The following JPH2 variants were observed in gnomAD, a reference collection of about 807,000 sequenced individuals.
The protein encoded by JPH2 is junctophilin 2.
Under a neutral mutation model 55.9 loss-of-function variants are expected in JPH2, and 38 were observed. That is an observed-to-expected ratio of 0.68 (90% confidence interval 0.52 to 0.89). The LOEUF is 0.89. Among genes scored for constraint, JPH2 ranks in the 40% least tolerant of loss-of-function variants. JPH2 has a pLI of 0.00. For synonymous variants in JPH2, 480 were observed against 472.4 expected, an observed-to-expected ratio of 1.02 and a Z score of -0.21; for missense variants, 964 against 1,037.6, an observed-to-expected ratio of 0.93 and a Z score of 0.97.
Position 44,186,451 on chromosome 20 carries a change from C to T in JPH2, c.255G>A (p.Glu85=). The T allele has an allele frequency of 1.2e-6, 2 of 1,614,122 alleles. No individual in the cohort carries two copies. Among genetic ancestry groups the T allele is most frequent in the Non-Finnish European group, 1.7e-6 (2 of 1,179,994 alleles). Residue 85 remains glutamate, a synonymous_variant, in exon 1 of 6, where the codon GAG becomes GAA. Coordinates refer to ENST00000372980, the MANE Select transcript of JPH2 (RefSeq NM_020433.5). The stretch of plus-strand genomic sequence containing the variant: ...AGCGTCCCTTGAAGCCATGTGTCCA[C>T]TCGCCCTTGTAGAGCCAGCGCCCCT... The part of the protein sequence containing the change: ...ETKGRWLYKG[E]WTHGFKGRYG...
At chr20:44,164,306 T>C (rs1284982958) in intron 1 of JPH2, among the ~76,000 whole-genome samples, 1 of 152,338 alleles carries the variant, frequency 6.6e-6, no homozygotes, top group Admixed American at 6.5e-5. Context: ...GAATGGAATG[T>C]GGAGTCATCC....
intron 2 of JPH2, among the ~76,000 whole-genome samples, chr20:44,119,929 C>G (rs1050869756): frequency 6.6e-6 from 1 of 151,500 alleles, no homozygotes; most frequent in African/African-American, 2.4e-5. Context: ...CTAGGCAGCC[C>G]ATACCAATGA....
intron 1 of JPH2, among the ~76,000 whole-genome samples, chr20:44,174,455 G>C (rs1386761280): frequency 6.6e-6 from 1 of 152,168 alleles, no homozygotes; most frequent in East Asian, 1.9e-4. Flanking sequence ...AATACTGTTT[G>C]TATGGAGGAA....
intron 1 of JPH2, among the ~76,000 whole-genome samples, chr20:44,184,747 T>G (rs2072817798): frequency 6.6e-6 from 1 of 152,194 alleles, no homozygotes; most frequent in Non-Finnish European, 1.5e-5. Flanking sequence ...TCTGAGCCTT[T>G]GTCTTCACTC....
At chr20:44,177,895 T>C in intron 1 of JPH2, 1 of 1,585,986 alleles carries the variant, frequency 6.3e-7, no homozygotes, top group South Asian at 1.1e-5. Flanking sequence ...ATTTCCTATG[T>C]GCCAGGCATG....
At chr20:44,122,102 CT>C (rs1403172985) in intron 2 of JPH2, among the ~76,000 whole-genome samples, 2 of 152,162 alleles carry the variant, frequency 1.3e-5, no homozygotes, top group Non-Finnish European at 2.9e-5. Flanking sequence ...TAACCACAGG[CT>C]CAATTTCCAT....
intron 1 of JPH2, among the ~76,000 whole-genome samples, chr20:44,184,200 G>C (rs1483822413): frequency 6.6e-6 from 1 of 152,062 alleles, no homozygotes; most frequent in African/African-American, 2.4e-5. Context: ...AATACTTTGG[G>C]TTTTGCAGGA....
chr20:44,115,930 T>G lies in JPH2; in HGVS notation c.1745A>C (p.Glu582Ala). Reference sequence around the variant, plus strand: ...GGAGACCTCGGGCTCGGGCTGGTCCTCAAAGGGTGGGGGCTCGGGCGGCGT... The same window carrying G: ...GGAGACCTCGGGCTCGGGCTGGTCCGCAAAGGGTGGGGGCTCGGGCGGCGT... ...RTTPPEPPPFEDQPEPEVSGS... is the reference protein window; with the variant it reads ...RTTPPEPPPFADQPEPEVSGS... Residue 582 changes from glutamate (E) to alanine (A), a missense_variant, in exon 4 of 6, where the codon GAG becomes GCG. By Grantham distance (107) the Glu-to-Ala change is moderately radical. Transcript: ENST00000372980. 1 of 1,570,580 alleles carries G rather than the reference T, an allele frequency of 6.4e-7. No individual in the cohort carries two copies. Among genetic ancestry groups the G allele is most frequent in the South Asian group, 1.1e-5 (1 of 88,306 alleles).
chr20:44,170,888 C>A (rs747079030), intron 1 of JPH2, among the ~76,000 whole-genome samples: 1 of 152,218 alleles, frequency 6.6e-6, no homozygotes. Context: ...ATTTAAATGA[C>A]TCTCATGATG....
chr20:44,151,393 T>C (rs2145872287), intron 2 of JPH2, among the ~76,000 whole-genome samples: 1 of 152,226 alleles, frequency 6.6e-6, no homozygotes, highest in East Asian at 1.9e-4. Context: ...GGCACATGCC[T>C]GTAATCCCAG....
At chr20:44,186,209 A>G (rs2072838632) in intron 1 of JPH2, 118 bp downstream of exon 1, 1 of 1,193,420 alleles carries the variant, frequency 8.4e-7, no homozygotes, top group Admixed American at 2.1e-5. Context: ...CACACAGCAA[A>G]TCACTTCCTA....
chr20:44,180,435 G>A (rs1289586945), intron 1 of JPH2, among the ~76,000 whole-genome samples: 9 of 151,922 alleles, frequency 5.9e-5, no homozygotes, highest in Admixed American at 6.6e-5. Context: ...GGGCTCAAGC[G>A]ATCCTCCCAC....
chr20:44,153,761 C>A (rs1002602256), intron 2 of JPH2, among the ~76,000 whole-genome samples: 5 of 152,224 alleles, frequency 3.3e-5, no homozygotes, highest in African/African-American at 1.2e-4. Context: ...ATATACCCTT[C>A]GTATAGAGGC....
intron 2 of JPH2, among the ~76,000 whole-genome samples, chr20:44,134,337 A>T (rs865901987): frequency 2.9e-3 from 12 of 4,168 alleles, no homozygotes; most frequent in South Asian, 0.01. Context: ...TAAATATATA[A>T]TAAATATTTA....
chr20:44,131,033 G>A (rs1025959964), intron 2 of JPH2, among the ~76,000 whole-genome samples: 1 of 152,206 alleles, frequency 6.6e-6, no homozygotes, highest in Non-Finnish European at 1.5e-5. Context: ...CTTCTTCAAA[G>A]TAAGAGATGT....
chr20:44,164,694 A>ACAAT (rs1297321597), intron 1 of JPH2, among the ~76,000 whole-genome samples: 1 of 151,936 alleles, frequency 6.6e-6, no homozygotes, highest in Non-Finnish European at 1.5e-5. Flanking sequence ...AAACAAACAA[A>ACAAT]CAAACAAACA....
At chr20:44,126,141 AGGGAGG>A (rs1333468783) in intron 2 of JPH2, among the ~76,000 whole-genome samples, 103 of 45,710 alleles carry the variant, frequency 2.3e-3, no homozygotes, top group East Asian at 3.2e-3. Context: ...AAAAAGAGAG[AGGGAGG>A]GAGGGAGGGA....
intron 2 of JPH2, among the ~76,000 whole-genome samples, chr20:44,155,513 A>G (rs2072559464): frequency 6.6e-6 from 1 of 152,196 alleles, no homozygotes; most frequent in African/African-American, 2.4e-5. Context: ...TCCCCCCTCC[A>G]AAAGGTGTGC....
At chr20:44,126,188 A>AAGGAAGGAAGGAAGGAAGGAAGGG (rs796524844) in intron 2 of JPH2, among the ~76,000 whole-genome samples, 1 of 95,738 alleles carries the variant, frequency 1.0e-5, no homozygotes, top group Non-Finnish European at 2.1e-5. Flanking sequence ...GGAAGGAAGG[A>AAGGAAGGAAGGAAGGAAGGAAGGG]AGGGAGGAAG....
Sources: allele counts gnomAD v4.1 joint callset (sites outside exome capture counted in the v4.1 genomes callset), GRCh38; gene constraint gnomAD v4.1.1; transcripts MANE v1.5; gene names NCBI Gene and HGNC (gene_info 2026-07-23, HGNC 2026-07-21).